The following HS6ST3 variants were observed in gnomAD, a reference collection of about 807,000 sequenced individuals.
HS6ST3 encodes heparan-sulfate 6-O-sulfotransferase 3.
HS6ST3 carries 12 observed loss-of-function variants against 36.7 expected under a neutral mutation model. That is an observed-to-expected ratio of 0.33 (90% CI 0.21 to 0.53). HS6ST3 has a LOEUF of 0.53. HS6ST3 is among the 20% of genes least tolerant of loss of function. The pLI is 0.95. For synonymous variants in HS6ST3, 240 were observed against 257.5 expected (o/e 0.93, Z 0.65); for missense variants, 584 against 640.9 (o/e 0.91, Z 0.96).
chr13:96,594,058 C>T (rs990966015), intron 1 of HS6ST3, among the ~76,000 whole-genome samples: 5 of 151,830 alleles, frequency 3.3e-5, no homozygotes, highest in Admixed American at 6.6e-5. Flanking sequence ...CCACAACCTC[C>T]GCCTCCTGGG....
At chr13:96,576,900 C>T (rs551009931) in intron 1 of HS6ST3, among the ~76,000 whole-genome samples, 48 of 138,826 alleles carry the variant, frequency 3.5e-4, no homozygotes, top group Admixed American at 1.3e-3. Context: ...GCTGAGATCG[C>T]GCCACTGCAC....
At chr13:96,585,164 T>C (rs1378392751) in intron 1 of HS6ST3, among the ~76,000 whole-genome samples, 1 of 152,214 alleles carries the variant, frequency 6.6e-6, no homozygotes, top group Non-Finnish European at 1.5e-5. Flanking sequence ...TGTGATTCAA[T>C]ATAATTGCTA....
chr13:96,742,735 T>A (rs748986145), intron 1 of HS6ST3, among the ~76,000 whole-genome samples: 9 of 152,144 alleles, frequency 5.9e-5, no homozygotes, highest in African/African-American at 9.6e-5. Flanking sequence ...AAATAGAGTC[T>A]TATTTTTATG....
intron 1 of HS6ST3, among the ~76,000 whole-genome samples, chr13:96,487,469 T>A (rs558934020): frequency 6.6e-6 from 1 of 152,276 alleles, no homozygotes; most frequent in African/African-American, 2.4e-5. Flanking sequence ...TTTCTAAATG[T>A]GACATTCCTG....
At chr13:96,223,870 C>T (rs1451172483) in intron 1 of HS6ST3, among the ~76,000 whole-genome samples, 1 of 152,062 alleles carries the variant, frequency 6.6e-6, no homozygotes, top group African/African-American at 2.4e-5. Context: ...ACTTCAATCT[C>T]CCTCTCTAAG....
intron 1 of HS6ST3, among the ~76,000 whole-genome samples, chr13:96,601,078 G>T (rs2056419896): frequency 6.6e-6 from 1 of 152,038 alleles, no homozygotes. Flanking sequence ...CAATGCTTTT[G>T]TCTCATTACT....
Position 96,796,622 on chromosome 13 carries a change from A to G in HS6ST3, c.708-35868A>G, listed in dbSNP as rs79814741. Among the ~76,000 whole-genome samples the G allele has an allele frequency of 5.8e-3, 879 of 152,228 alleles. 10 individuals are homozygous for G. The highest frequency in any genetic ancestry group is 0.021 in the African/African-American group (853 of 41,566). ...ATGCTTTATAATTATGAGACCTTGA[A>G]CACATTTAAATTCACGAAGTTTTGG... On this transcript the variant is annotated intron_variant, in intron 1 of 1. Coordinates refer to ENST00000376705, the MANE Select transcript of HS6ST3 (RefSeq NM_153456.4).
rs1555389928 is a variant in HS6ST3 at position 96,184,221 on chromosome 13, A to AAAGAG, written c.707+92653_707+92654insAGAGA. On this transcript the variant is annotated intron_variant, in intron 1 of 1. Transcript: ENST00000376705. ...TCTCCAAAAAAAAAAAAAAAAAAAA[A>AAAGAG]AGAGAGAGAGAGAGAAATAGAATAG... is the stretch of plus-strand genomic sequence containing the variant. 7.4e-3 allele frequency among the ~76,000 whole-genome samples: 449 copies of AAAGAG among 60,960 alleles called. 16 individuals carry two copies. The highest frequency in any genetic ancestry group is 0.021 in the African/African-American group (280 of 13,634). 40.0% of individuals were successfully genotyped at this position (60,960 alleles called of 152,430 possible).
At chr13:96,540,981 A>G (rs1010370267) in intron 1 of HS6ST3, among the ~76,000 whole-genome samples, 2 of 152,194 alleles carry the variant, frequency 1.3e-5, no homozygotes, top group Admixed American at 1.3e-4. Flanking sequence ...TACAAAGCCC[A>G]AAAATCTTAG....
chr13:96,294,487 A>G (rs1455399553), intron 1 of HS6ST3, among the ~76,000 whole-genome samples: 1 of 152,174 alleles, frequency 6.6e-6, no homozygotes, highest in Admixed American at 6.6e-5. Flanking sequence ...TAGGTGCTCC[A>G]TAACCACATG....
intron 1 of HS6ST3, among the ~76,000 whole-genome samples, chr13:96,538,742 C>T (rs1439310889): frequency 6.6e-6 from 1 of 152,204 alleles, no homozygotes. Flanking sequence ...CCATGCCCAG[C>T]TAAGCACATG....
At chr13:96,514,667 T>G (rs1023588365) in intron 1 of HS6ST3, among the ~76,000 whole-genome samples, 2 of 152,206 alleles carry the variant, frequency 1.3e-5, no homozygotes, top group African/African-American at 4.8e-5. Flanking sequence ...CACCTCCATC[T>G]TGGACTTCCA....
At chr13:96,449,870 G>A (rs2055718614) in intron 1 of HS6ST3, among the ~76,000 whole-genome samples, 1 of 152,146 alleles carries the variant, frequency 6.6e-6, no homozygotes, top group Non-Finnish European at 1.5e-5. Flanking sequence ...TTATAAAAAT[G>A]ATGATAGAAT....
At position 96,090,627 on chromosome 13, in the gene HS6ST3, C is replaced by G. The variant is rs1594672087; in HGVS notation, c.-236C>G. Among the ~76,000 whole-genome samples, 1 of 146,164 alleles carries G rather than the reference C, an allele frequency of 6.8e-6. No individual in the cohort carries two copies. Among genetic ancestry groups the G allele is most frequent in the Non-Finnish European group, 1.5e-5 (1 of 65,768 alleles). On this transcript the variant is annotated 5_prime_UTR_variant, in exon 1 of 2. Coordinates refer to ENST00000376705, the MANE Select transcript of HS6ST3 (RefSeq NM_153456.4). ...CCCGGGAGCGCAGGGCGCCCCACGC[C>G]GCAGCCGCAGCCGAGCGCGCCGGCG...
chr13:96,375,278 G>A lies in HS6ST3; in HGVS notation c.707+283709G>A, dbSNP rs375096482. Reference sequence around the variant, plus strand: ...CCCCTCCAACTCCTAGGTGCTTCCCGTCACTCTGAATATTTTCTTTATAGC... The same window carrying A: ...CCCCTCCAACTCCTAGGTGCTTCCCATCACTCTGAATATTTTCTTTATAGC... On this transcript the variant is annotated intron_variant, in intron 1 of 1. Transcript: ENST00000376705. 8.6e-5 allele frequency among the ~76,000 whole-genome samples: 11 copies of A among 127,574 alleles called. No individual in the cohort carries two copies. The East Asian group carries it at 1.1e-3, about 13-fold the overall frequency. 83.7% of individuals were successfully genotyped at this position (127,574 alleles called of 152,430 possible). A position where few individuals can be genotyped will look rare whatever the true frequency, so the allele number is the denominator to read the frequency against.
chr13:96,617,998 T>C (rs1224486361), intron 1 of HS6ST3, among the ~76,000 whole-genome samples: 1 of 152,156 alleles, frequency 6.6e-6, no homozygotes, highest in Non-Finnish European at 1.5e-5. Flanking sequence ...TGAAACTCAA[T>C]AGTATACATG....
chr13:96,719,071 G>A (rs772033261), intron 1 of HS6ST3, among the ~76,000 whole-genome samples: 2 of 152,026 alleles, frequency 1.3e-5, no homozygotes, highest in African/African-American at 2.4e-5. Context: ...TCAGGAGATC[G>A]AGACCATCCT....
intron 1 of HS6ST3, among the ~76,000 whole-genome samples, chr13:96,444,749 T>C (rs964275945): frequency 1.3e-5 from 2 of 152,226 alleles, no homozygotes; most frequent in Non-Finnish European, 2.9e-5. Flanking sequence ...ACGTGGTATA[T>C]AAAACAGGTA....
chr13:96,704,842 C>G (rs1875378836), intron 1 of HS6ST3, among the ~76,000 whole-genome samples: 1 of 152,174 alleles, frequency 6.6e-6, no homozygotes, highest in African/African-American at 2.4e-5. Flanking sequence ...GATGGGGAGG[C>G]AGCTGTTAAG....
Sources: gnomAD v4.1 joint callset for allele counts (sites outside exome capture counted in the v4.1 genomes callset) on GRCh38, gnomAD v4.1.1 for gene constraint, MANE v1.5 for transcripts, NCBI Gene and HGNC (gene_info 2026-07-23, HGNC 2026-07-21) for gene names.